SEL1L3: variants seen among roughly 807,000 people sequenced by gnomAD.
The protein encoded by SEL1L3 is SEL1L family member 3.
A neutral mutation model predicts 142.8 loss-of-function variants in SEL1L3; 76 were observed. The observed-to-expected ratio is 0.53, with a 90% CI of 0.44 to 0.64. The LOEUF (loss-of-function observed/expected upper bound fraction) is 0.64, where lower values mean the gene tolerates loss of function less well. Among genes scored for constraint, SEL1L3 ranks in the 30% least tolerant of loss-of-function variants. The pLI is 0.00. For missense variants in SEL1L3, 1,262 were observed against 1,381.7 expected, an observed-to-expected ratio of 0.91 and a Z score of 1.37; for synonymous variants, 504 against 519.6, an observed-to-expected ratio of 0.97 and a Z score of 0.41.
chr4:25,807,091 C>CT (rs1713637864), intron 9 of SEL1L3, among the ~76,000 whole-genome samples: 1 of 152,146 alleles, frequency 6.6e-6, no homozygotes, highest in Non-Finnish European at 1.5e-5. Flanking sequence ...TGACTCTCGA[C>CT]TTTCTTTTTT....
At chr4:25,816,673 C>G (rs532214164) in intron 9 of SEL1L3, among the ~76,000 whole-genome samples, 201 of 152,270 alleles carry the variant, frequency 1.3e-3, no homozygotes, top group African/African-American at 4.5e-3. Flanking sequence ...TGCTTGAAAC[C>G]CTTCAGCAGG....
At chr4:25,723,824 G>A in the SEL1L3 span, among the ~76,000 whole-genome samples, 1 of 152,104 alleles carries the variant, frequency 6.6e-6, no homozygotes, top group African/African-American at 2.4e-5. Flanking sequence ...GAACTGCAGC[G>A]GAGATTCACC....
the SEL1L3 span, among the ~76,000 whole-genome samples, chr4:25,737,679 G>T: frequency 6.6e-6 from 1 of 152,004 alleles, no homozygotes; most frequent in African/African-American, 2.4e-5. Flanking sequence ...TTGGTTCCAG[G>T]ACCTTCCTCA....
intron 6 of SEL1L3, among the ~76,000 whole-genome samples, chr4:25,822,773 G>A (rs1243090514): frequency 1.3e-5 from 2 of 152,158 alleles, no homozygotes; most frequent in Non-Finnish European, 2.9e-5. Flanking sequence ...AGGAAGGAAA[G>A]GGAGGACAAA....
At chr4:25,860,419 TTCTC>T (rs899389223) in intron 1 of SEL1L3, among the ~76,000 whole-genome samples, 28 of 152,170 alleles carry the variant, frequency 1.8e-4, no homozygotes, top group African/African-American at 6.3e-4. Flanking sequence ...CATTTGCGTT[TTCTC>T]TCTATTGTTT....
chr4:25,836,650 T>C (rs942961362), intron 2 of SEL1L3, among the ~76,000 whole-genome samples: 1 of 151,728 alleles, frequency 6.6e-6, no homozygotes, highest in Non-Finnish European at 1.5e-5. Flanking sequence ...AGACTCCATC[T>C]CAAAAAAAAG....
intron 5 of SEL1L3, 105 bp downstream of exon 5, chr4:25,832,890 C>T (rs762018090): frequency 3.1e-5 from 21 of 672,212 alleles, no homozygotes; most frequent in Admixed American, 9.9e-5. Context: ...TATCATTTAC[C>T]ACAAATTTGC....
At chr4:25,806,069 T>C (rs1240312295) in intron 9 of SEL1L3, among the ~76,000 whole-genome samples, 6 of 150,496 alleles carry the variant, frequency 4.0e-5, no homozygotes, top group African/African-American at 9.7e-5. Flanking sequence ...GATGGAGTCT[T>C]GCTCTGTCGC....
chr4:25,789,255 G>A (rs1355183486), intron 12 of SEL1L3, among the ~76,000 whole-genome samples: 2 of 152,030 alleles, frequency 1.3e-5, no homozygotes, highest in African/African-American at 4.8e-5. Flanking sequence ...TGAAATGTGA[G>A]GAAGACCCCT....
intron 3 of SEL1L3, 25 bp downstream of exon 3, chr4:25,835,172 G>A: frequency 6.2e-7 from 1 of 1,613,098 alleles, no homozygotes; most frequent in South Asian, 1.1e-5. Flanking sequence ...CGCCCGATCA[G>A]CTCCCTTCTG....
intron 1 of SEL1L3, among the ~76,000 whole-genome samples, chr4:25,849,311 A>T (rs1436766145): frequency 1.3e-5 from 2 of 152,242 alleles, no homozygotes; most frequent in Non-Finnish European, 2.9e-5. Context: ...GGTAGAAAAA[A>T]TGTGGTATAT....
intron 6 of SEL1L3, among the ~76,000 whole-genome samples, chr4:25,823,946 T>C (rs910984340): frequency 6.6e-6 from 1 of 152,018 alleles, no homozygotes; most frequent in Non-Finnish European, 1.5e-5. Context: ...CATGAGACAA[T>C]GAAGCAAAGC....
chr4:25,724,911 C>T, the SEL1L3 span, among the ~76,000 whole-genome samples: 1 of 152,088 alleles, frequency 6.6e-6, no homozygotes. Flanking sequence ...TCAATATCCT[C>T]CTCAGCTCCT....
At chr4:25,745,733 T>C (rs1195393911), downstream of SEL1L3, among the ~76,000 whole-genome samples, 1 of 152,206 alleles carries the variant, frequency 6.6e-6, no homozygotes, top group Non-Finnish European at 1.5e-5. Context: ...CAAATGTCCA[T>C]AGTGCTGAGA....
At chr4:25,805,113 G>A (rs1713465240) in intron 9 of SEL1L3, among the ~76,000 whole-genome samples, 1 of 152,150 alleles carries the variant, frequency 6.6e-6, no homozygotes, top group Non-Finnish European at 1.5e-5. Context: ...CCCTAAAGAA[G>A]AATGTGTTTT....
intron 20 of SEL1L3, among the ~76,000 whole-genome samples, chr4:25,761,572 G>C (rs775354124): frequency 5.3e-5 from 8 of 152,204 alleles, no homozygotes; most frequent in Non-Finnish European, 1.0e-4. Context: ...TTCCTTATCT[G>C]CTAGATAAAT....
At chr4:25,769,957 T>C (rs779204937) in intron 17 of SEL1L3, among the ~76,000 whole-genome samples, 1 of 151,914 alleles carries the variant, frequency 6.6e-6, no homozygotes, top group Non-Finnish European at 1.5e-5. Flanking sequence ...AGAAACCCTG[T>C]CTCTACTAAA....
At chr4:25,745,215 C>T (rs777816709), downstream of SEL1L3, among the ~76,000 whole-genome samples, 1 of 151,814 alleles carries the variant, frequency 6.6e-6, no homozygotes, top group East Asian at 1.9e-4. Context: ...GCCAACATGG[C>T]GAAAACCCAC....
At chr4:25,724,767 AAAAAGG>A in the SEL1L3 span, among the ~76,000 whole-genome samples, 3 of 74,926 alleles carry the variant, frequency 4.0e-5, no homozygotes, top group South Asian at 4.5e-4. Context: ...AAAAAAAAAA[AAAAAGG>A]AAAAGAAATT....
Sources: gnomAD v4.1 joint callset for allele counts (sites outside exome capture counted in the v4.1 genomes callset) on GRCh38, gnomAD v4.1.1 for gene constraint, MANE v1.5 for transcripts, NCBI Gene and HGNC (gene_info 2026-07-23, HGNC 2026-07-21) for gene names.